SLC35F3: variants seen among roughly 807,000 people sequenced by gnomAD.
SLC35F3 encodes putative thiamine transporter SLC35F3.
In SLC35F3, 25 loss-of-function variants were observed where a neutral mutation model predicts 49.9. That is an observed-to-expected ratio of 0.50 (90% CI 0.37 to 0.70). SLC35F3 has a LOEUF of 0.70. Among genes scored for constraint, SLC35F3 ranks in the 30% least tolerant of loss-of-function variants. SLC35F3 has a pLI of 0.00. For missense variants in SLC35F3, 525 were observed against 639.8 expected, an observed-to-expected ratio of 0.82 and a Z score of 1.94; for synonymous variants, 275 against 265.4, an observed-to-expected ratio of 1.04 and a Z score of -0.35.
chr1:234,317,720 C>T (rs1657524877), intron 5 of SLC35F3, among the ~76,000 whole-genome samples: 1 of 152,190 alleles, frequency 6.6e-6, no homozygotes, highest in South Asian at 2.1e-4. Flanking sequence ...CTCTGAGCAC[C>T]TCTCACTGAG....
At chr1:234,161,012 C>T (rs556974493) in intron 2 of SLC35F3, among the ~76,000 whole-genome samples, 18 of 152,344 alleles carry the variant, frequency 1.2e-4, no homozygotes, top group African/African-American at 4.3e-4. Flanking sequence ...TCCTGCTTCT[C>T]TCCATTTCTG....
Position 234,318,906 on chromosome 1 carries a change from A to G in SLC35F3, c.1110A>G (p.Pro370=), listed in dbSNP as rs763877587. ...VEYWSSFDDI[P]WGNLCGFSVL... The stretch of plus-strand genomic sequence containing the variant: ...ACTGGAGCTCTTTTGATGACATTCC[A>G]TGGGGAAACCTTTGTGGATTTTCAG... The change falls in exon 6 of 8, where the codon CCA becomes CCG. Residue 370 remains proline (P), a synonymous_variant. Transcript: ENST00000366618. 1.2e-6 allele frequency: 2 copies of G among 1,614,144 alleles called. No individual in the cohort carries two copies. The highest frequency in any genetic ancestry group is 8.5e-7 in the Non-Finnish European group (1 of 1,180,020).
intron 2 of SLC35F3, among the ~76,000 whole-genome samples, chr1:234,097,989 T>C (rs1218754852): frequency 6.6e-6 from 1 of 151,776 alleles, no homozygotes; most frequent in Non-Finnish European, 1.5e-5. Flanking sequence ...CAGATGGTGG[T>C]GGTAGTGACG....
At chr1:234,008,624 C>T (rs34516991) in intron 2 of SLC35F3, among the ~76,000 whole-genome samples, 16,904 of 152,292 alleles carry the variant, frequency 0.11, 1,183 homozygotes, top group Non-Finnish European at 0.15. Flanking sequence ...CTTGTTCAGG[C>T]TTAATGTTAT....
intron 2 of SLC35F3, among the ~76,000 whole-genome samples, chr1:233,980,191 T>G (rs940951994): frequency 2.0e-5 from 3 of 152,218 alleles, no homozygotes; most frequent in African/African-American, 7.2e-5. Context: ...TTGGGAAGAA[T>G]GAGAAGAAAT....
chr1:234,252,655 A>G (rs940134160), intron 3 of SLC35F3, among the ~76,000 whole-genome samples: 1 of 152,242 alleles, frequency 6.6e-6, no homozygotes, highest in Non-Finnish European at 1.5e-5. Flanking sequence ...AGAAATGTGA[A>G]TTAAAACATA....
chr1:234,311,433 T>C (rs1016557538), intron 4 of SLC35F3, among the ~76,000 whole-genome samples: 2 of 152,204 alleles, frequency 1.3e-5, no homozygotes, highest in African/African-American at 2.4e-5. Context: ...AACATAGTTC[T>C]CCATCCTGGA....
At chr1:234,048,410 CT>C (rs1224039515) in intron 2 of SLC35F3, among the ~76,000 whole-genome samples, 1 of 152,162 alleles carries the variant, frequency 6.6e-6, no homozygotes, top group African/African-American at 2.4e-5. Context: ...TGAGATTATA[CT>C]GGCAGAGACA....
At chr1:233,971,879 C>T (rs533216455) in intron 2 of SLC35F3, among the ~76,000 whole-genome samples, 2 of 152,324 alleles carry the variant, frequency 1.3e-5, no homozygotes, top group East Asian at 3.9e-4. Context: ...CACTTACACC[C>T]TGCATGGCCC....
chr1:234,045,750 T>C (rs1436827323), intron 2 of SLC35F3, among the ~76,000 whole-genome samples: 1 of 152,002 alleles, frequency 6.6e-6, no homozygotes, highest in Non-Finnish European at 1.5e-5. Context: ...ACAGATACAA[T>C]TGTGACCTTC....
intron 3 of SLC35F3, among the ~76,000 whole-genome samples, chr1:234,232,190 C>T (rs1667389416): frequency 6.6e-6 from 1 of 152,300 alleles, no homozygotes; most frequent in East Asian, 1.9e-4. Context: ...TCTTTCTAAT[C>T]CCAAGACATG....
intron 3 of SLC35F3, among the ~76,000 whole-genome samples, chr1:234,234,448 T>A (rs1354009183): frequency 1.3e-5 from 2 of 151,938 alleles, no homozygotes; most frequent in African/African-American, 4.8e-5. Context: ...CTCCCTGGGG[T>A]CTTGTTGAAG....
intron 2 of SLC35F3, among the ~76,000 whole-genome samples, chr1:233,944,681 C>G (rs989545298): frequency 2.0e-5 from 3 of 152,082 alleles, no homozygotes; most frequent in Non-Finnish European, 4.4e-5. Context: ...TAGAGGAACA[C>G]AGGATAAATG....
intron 3 of SLC35F3, among the ~76,000 whole-genome samples, chr1:234,257,305 CT>C (rs1667835662): frequency 6.6e-6 from 1 of 152,188 alleles, no homozygotes; most frequent in Non-Finnish European, 1.5e-5. Flanking sequence ...TTTAAACCCT[CT>C]TTGAAGTTAT....
At chr1:234,029,345 C>T (rs530614604) in intron 2 of SLC35F3, among the ~76,000 whole-genome samples, 2 of 152,306 alleles carry the variant, frequency 1.3e-5, no homozygotes, top group African/African-American at 4.8e-5. Context: ...ATGGCACAGG[C>T]TGTGAGACAC....
At chr1:234,044,796 G>C (rs4381263) in intron 2 of SLC35F3, among the ~76,000 whole-genome samples, 37,828 of 151,988 alleles carry the variant, frequency 0.25, 9,704 homozygotes, top group African/African-American at 0.65. Flanking sequence ...ACAGCTCTTC[G>C]TAAGTTCTGA....
intron 2 of SLC35F3, among the ~76,000 whole-genome samples, chr1:234,053,591 A>T (rs1441836065): frequency 6.6e-6 from 1 of 151,976 alleles, no homozygotes. Flanking sequence ...TTCACTCTTT[A>T]TCCAGTTTGC....
intron 2 of SLC35F3, among the ~76,000 whole-genome samples, chr1:234,069,854 A>G (rs965835363): frequency 6.6e-6 from 1 of 152,046 alleles, no homozygotes; most frequent in Non-Finnish European, 1.5e-5. Context: ...TCTTGATTTC[A>G]TTGCCACCAG....
chr1:234,001,214 T>C (rs1370796363), intron 2 of SLC35F3, among the ~76,000 whole-genome samples: 1 of 152,226 alleles, frequency 6.6e-6, no homozygotes, highest in Non-Finnish European at 1.5e-5. Flanking sequence ...AGAGATTTTG[T>C]CATGCTTTAT....
Sources: allele counts gnomAD v4.1 joint callset (sites outside exome capture counted in the v4.1 genomes callset), GRCh38; gene constraint gnomAD v4.1.1; transcripts MANE v1.5; gene names NCBI Gene and HGNC (gene_info 2026-07-23, HGNC 2026-07-21).